The following JAZF1 variants were observed in gnomAD, a reference collection of about 807,000 sequenced individuals.
The protein encoded by JAZF1 is juxtaposed with another zinc finger protein 1.
Under a neutral mutation model 26.4 loss-of-function variants are expected in JAZF1, and 8 were observed. The observed-to-expected ratio is 0.30, with a 90% confidence interval of 0.18 to 0.55. JAZF1 has a LOEUF of 0.55. Ranked by LOEUF, JAZF1 falls within the 20% of genes least tolerant of loss-of-function variation. The pLI is 0.94. For synonymous variants in JAZF1, 126 were observed against 122.3 expected (o/e 1.03, Z -0.20); for missense variants, 199 against 322.0 (o/e 0.62, Z 2.92).
chr7:27,879,589 G>A lies in JAZF1; in HGVS notation c.385+15631C>T, dbSNP rs560685357. Among the ~76,000 whole-genome samples, 238 of 152,134 alleles carry A rather than the reference G, an allele frequency of 1.6e-3. 1 individual carries two copies. The highest frequency in any genetic ancestry group is 5.3e-3 in the African/African-American group (222 of 41,506). On this transcript the variant is annotated intron_variant, in intron 3 of 4. Transcript: ENST00000283928. Reference sequence around the variant, plus strand: ...TAGGGAGACTTTCAACACAATAATGGTCTAAAACTTGGTGGAATATTAGAA... The same window carrying A: ...TAGGGAGACTTTCAACACAATAATGATCTAAAACTTGGTGGAATATTAGAA...
intron 2 of JAZF1, among the ~76,000 whole-genome samples, chr7:27,956,829 T>G (rs566647828): frequency 6.6e-6 from 1 of 152,304 alleles, no homozygotes; most frequent in East Asian, 1.9e-4. Context: ...TATTTTCAAA[T>G]TGTTAATTCA....
In JAZF1 at chr7:28,153,880, T is replaced by C. The variant is rs1009518155; in HGVS notation, c.115+26583A>G. Among the ~76,000 whole-genome samples, 25 of 152,278 alleles carry C rather than the reference T, an allele frequency of 1.6e-4. No homozygotes were observed. The South Asian group carries it at 2.1e-3, about 13-fold the overall frequency. On this transcript the variant is annotated intron_variant, in intron 1 of 4. Coordinates refer to ENST00000283928, the MANE Select transcript of JAZF1 (RefSeq NM_175061.4). The stretch of plus-strand genomic sequence containing the variant: ...GGGATGTCTGCAGCTCAGAACTGTT[T>C]GCAAAACATGTATCCTCTCCTGCCC...
At chr7:27,862,365 C>T (rs890855274) in intron 3 of JAZF1, among the ~76,000 whole-genome samples, 4 of 152,054 alleles carry the variant, frequency 2.6e-5, no homozygotes, top group Non-Finnish European at 4.4e-5. Context: ...CCGCCTCCCC[C>T]GCCCCAGAGG....
At chr7:27,856,382 A>G (rs1783252919) in intron 3 of JAZF1, among the ~76,000 whole-genome samples, 1 of 152,208 alleles carries the variant, frequency 6.6e-6, no homozygotes. Context: ...TGTGGACCCA[A>G]AGAGTGAGCA....
chr7:28,064,371 A>G (rs1006664206), intron 1 of JAZF1, among the ~76,000 whole-genome samples: 3 of 152,122 alleles, frequency 2.0e-5, no homozygotes, highest in East Asian at 1.9e-4. Context: ...TTCAATTTTT[A>G]TTCCAACATG....
intron 1 of JAZF1, among the ~76,000 whole-genome samples, chr7:28,146,233 A>G (rs1384338493): frequency 6.6e-6 from 1 of 152,252 alleles, no homozygotes; most frequent in Non-Finnish European, 1.5e-5. Context: ...AGCAGATGAC[A>G]GGCCACCATC....
intron 2 of JAZF1, among the ~76,000 whole-genome samples, chr7:27,986,197 T>C (rs915982128): frequency 6.6e-6 from 1 of 152,204 alleles, no homozygotes; most frequent in Non-Finnish European, 1.5e-5. Flanking sequence ...ATGACATGAT[T>C]GTATATTTAG....
intron 1 of JAZF1, among the ~76,000 whole-genome samples, chr7:28,135,199 T>C (rs1265904848): frequency 6.6e-6 from 1 of 152,322 alleles, no homozygotes; most frequent in South Asian, 2.1e-4. Flanking sequence ...GAAACTTAAA[T>C]GTGAACATGT....
At chr7:28,092,315 A>AAAAAAAAAAAAAAAAAAAAAAAC (rs1784314040) in intron 1 of JAZF1, among the ~76,000 whole-genome samples, 1 of 140,608 alleles carries the variant, frequency 7.1e-6, no homozygotes, top group Non-Finnish European at 1.5e-5. Context: ...AAAAAAAAAA[A>AAAAAAAAAAAAAAAAAAAAAAAC]AAAAAAAAAA....
At chr7:28,176,164 T>G (rs1337902866) in intron 1 of JAZF1, among the ~76,000 whole-genome samples, 1 of 152,238 alleles carries the variant, frequency 6.6e-6, no homozygotes, top group Non-Finnish European at 1.5e-5. Context: ...AACCAAGTCA[T>G]AGCTAATGCA....
intron 3 of JAZF1, chr7:27,841,580 C>T (rs1372192416): frequency 6.6e-6 from 1 of 152,218 alleles, no homozygotes; most frequent in African/African-American, 2.4e-5. Flanking sequence ...GCTCATGCGA[C>T]ACTTCCTGCT....
chr7:28,093,680 G>A (rs1161604840), intron 1 of JAZF1, among the ~76,000 whole-genome samples: 3 of 152,164 alleles, frequency 2.0e-5, no homozygotes, highest in Non-Finnish European at 4.4e-5. Context: ...CGCGTTCACT[G>A]GGTTGTTTTG....
At chr7:27,847,152 T>TTTC (rs1554328698) in intron 3 of JAZF1, among the ~76,000 whole-genome samples, 1 of 60,204 alleles carries the variant, frequency 1.7e-5, no homozygotes, top group Non-Finnish European at 3.9e-5. Context: ...GCTTTTTTTC[T>TTTC]TTTTTTTTTT....
chr7:27,844,845 C>T (rs1392158708), intron 3 of JAZF1, among the ~76,000 whole-genome samples: 1 of 152,156 alleles, frequency 6.6e-6, no homozygotes, highest in African/African-American at 2.4e-5. Context: ...AGGCTCTGGG[C>T]TACTCTAGGG....
chr7:28,027,570 C>T (rs796153013), intron 1 of JAZF1, among the ~76,000 whole-genome samples: 11 of 152,246 alleles, frequency 7.2e-5, no homozygotes, highest in African/African-American at 2.6e-4. Context: ...TTCTGAAGAG[C>T]AGAGAAATGG....
At chr7:27,877,499 T>G (rs1190380298) in intron 3 of JAZF1, among the ~76,000 whole-genome samples, 4 of 151,992 alleles carry the variant, frequency 2.6e-5, no homozygotes, top group Admixed American at 1.3e-4. Context: ...CCAATAGAGG[T>G]AGGTGGTTGT....
intron 2 of JAZF1, among the ~76,000 whole-genome samples, chr7:27,975,895 C>G (rs1785460758): frequency 6.6e-6 from 1 of 152,162 alleles, no homozygotes; most frequent in Non-Finnish European, 1.5e-5. Context: ...ACTGGAGGCA[C>G]AGTTCCTAAC....
At chr7:28,138,866 CACCTCCCAGACT>C (rs1169595876) in intron 1 of JAZF1, among the ~76,000 whole-genome samples, 2 of 152,196 alleles carry the variant, frequency 1.3e-5, no homozygotes, top group African/African-American at 4.8e-5. Flanking sequence ...AAAATAGAGG[CACCTCCCAGACT>C]ACCTCCCAGA....
At chr7:27,937,019 CT>C (rs1784771769) in intron 2 of JAZF1, among the ~76,000 whole-genome samples, 1 of 152,162 alleles carries the variant, frequency 6.6e-6, no homozygotes, top group African/African-American at 2.4e-5. Flanking sequence ...CTATTTGTTT[CT>C]CTAAATAAGC....
Sources: gnomAD v4.1 joint callset for allele counts (sites outside exome capture counted in the v4.1 genomes callset) on GRCh38, gnomAD v4.1.1 for gene constraint, MANE v1.5 for transcripts, NCBI Gene and HGNC (gene_info 2026-07-23, HGNC 2026-07-21) for gene names.